RHBDD3: variants seen among roughly 807,000 people sequenced by gnomAD.
RHBDD3 encodes the protein rhomboid domain containing 3.
Under a neutral mutation model 32.3 loss-of-function variants are expected in RHBDD3, and 34 were observed. That is an observed-to-expected ratio of 1.05 (90% CI 0.80 to 1.40). RHBDD3 has a LOEUF of 1.40. RHBDD3 is among the 40% of genes most tolerant of loss of function. The probability of loss-of-function intolerance (pLI) is 0.00; values close to 1 mark genes in which losing one functional copy is unlikely to be tolerated. For synonymous variants in RHBDD3, 249 were observed against 239.1 expected (o/e 1.04, Z -0.38); for missense variants, 482 against 492.6 (o/e 0.98, Z 0.20).
Position 29,264,021 on chromosome 22 carries a change from C to A in RHBDD3, c.346G>T (p.Ala116Ser). The change falls in exon 4 of 7, where the codon GCC becomes TCC. Residue 116 changes from alanine (A) to serine (S), a missense_variant. Transcript: ENST00000216085. ...LLAGLGLSSA[A>S]GSCGYMPVHL... ...ACAGGCATGTATCCACAGCTGCCGGCTGCACTGGACAGCCCAAGGCCTGCC... is the reference window on the plus strand; with the variant it reads ...ACAGGCATGTATCCACAGCTGCCGGATGCACTGGACAGCCCAAGGCCTGCC... 4.5e-6 allele frequency: 7 copies of A among 1,556,848 alleles called. No homozygotes were observed. The highest frequency in any genetic ancestry group is 6.1e-6 in the Non-Finnish European group (7 of 1,150,578).
At position 29,265,522 on chromosome 22, in the gene RHBDD3, G is replaced by A. The variant is rs563039366; in HGVS notation, c.105C>T (p.Pro35=). 13 of 1,573,772 alleles carry A rather than the reference G, an allele frequency of 8.3e-6. No homozygotes were observed. The highest frequency in any genetic ancestry group is 2.4e-5 in the East Asian group (1 of 41,296). ...MSTLWLVGAG[P]GLVLAPELLL... ...ACAGCTCCGGGGCCAGGACCAGGCC[G>A]GGGCCGGCCCCCACCAGCCACAGGG... Residue 35 remains proline, a synonymous_variant, in exon 3 of 7, where the codon CCC becomes CCT. Coordinates refer to ENST00000216085, the MANE Select transcript of RHBDD3 (RefSeq NM_012265.3).
At chr22:29,265,811 G>A in intron 2 of RHBDD3, 143 bp from the exon 3 acceptor site, 1 of 760,580 alleles carries the variant, frequency 1.3e-6, no homozygotes, top group Non-Finnish European at 1.9e-6. Flanking sequence ...CCTTAGTGGA[G>A]CTCAGACCCT....
At chr22:29,261,388 G>A (rs1371540106) in intron 4 of RHBDD3, 2 of 460,032 alleles carry the variant, frequency 4.3e-6, no homozygotes, top group Non-Finnish European at 8.8e-6. Context: ...CTTGAGGCCA[G>A]GAGTTCAAGA....
At position 29,260,220 on chromosome 22, in the gene RHBDD3, C is replaced by G; in HGVS notation, c.1001G>C (p.Arg334Pro). The G allele has an allele frequency of 1.9e-6, 3 of 1,599,384 alleles. No individual in the cohort carries two copies. The highest frequency in any genetic ancestry group is 2.6e-6 in the Non-Finnish European group (3 of 1,173,628). ...CGCCTGCTCCGTAGGGAAGCCCATG[C>G]GCTCCAGCTGCTGCAGCCTGTTGGG... ...VSSLRLQQLE[R>P]MGFPTEQAVV... The change falls in exon 7 of 7, where the codon CGC becomes CCC. Residue 334 changes from arginine to proline, a missense_variant. Transcript: ENST00000216085.
Position 29,260,153 on chromosome 22 carries a change from C to CA in RHBDD3, c.1067dup (p.Ser357ValfsTer11). 2 of 1,589,394 alleles carry CA rather than the reference C, an allele frequency of 1.3e-6. No homozygotes were observed. Among genetic ancestry groups the CA allele is most frequent in the Non-Finnish European group, 1.7e-6 (2 of 1,167,958 alleles). ...CCACTTGTCCTCCAACCAACAGTGA[C>CA]ACGGCACCCTCCACACGGCCTGTGG... On this transcript the variant is annotated frameshift_variant, in exon 7 of 7. Transcript: ENST00000216085. LOFTEE classifies it high-confidence loss of function.
chr22:29,265,674 G>T lies in RHBDD3; in HGVS notation c.-42-6C>A. On this transcript the variant is annotated splice_polypyrimidine_tract_variant and splice_region_variant and intron_variant, in intron 2 of 6. Coordinates refer to ENST00000216085, the MANE Select transcript of RHBDD3 (RefSeq NM_012265.3). ...GGTGGTCCTGGGGCTGTGTGCTGGG[G>T]ATAAAAGAAAACAATAACAAGTTAT... 2 of 1,532,950 alleles carry T rather than the reference G, an allele frequency of 1.3e-6. No individual in the cohort carries two copies. Among genetic ancestry groups the T allele is most frequent in the Non-Finnish European group, 1.7e-6 (2 of 1,151,304 alleles). 95.0% of individuals were successfully genotyped at this position (1,532,950 alleles called of 1,614,324 possible).
chr22:29,264,643 T>A, intron 3 of RHBDD3: 1 of 401,468 alleles, frequency 2.5e-6, no homozygotes, highest in Non-Finnish European at 3.4e-6. Flanking sequence ...CTGAGCATCA[T>A]TGGGGGTCCT....
chr22:29,265,073 C>T (rs1271671999), intron 3 of RHBDD3: 10 of 154,598 alleles, frequency 6.5e-5, no homozygotes, highest in South Asian at 2.0e-4. Flanking sequence ...CCACTGCGCC[C>T]GGCCAATTTT....
intron 2 of RHBDD3, among the ~76,000 whole-genome samples, chr22:29,266,866 C>G (rs2058205138): frequency 6.6e-6 from 1 of 152,328 alleles, no homozygotes; most frequent in Admixed American, 6.5e-5. Context: ...CTGCATTGTC[C>G]TTCCCTCCAT....
At chr22:29,261,264 T>C (rs1007588339) in intron 4 of RHBDD3, 6 of 488,574 alleles carry the variant, frequency 1.2e-5, no homozygotes, top group African/African-American at 1.2e-4. Flanking sequence ...GAGGCCAGCC[T>C]GTTCTCTCCA....
In RHBDD3 at chr22:29,260,866, T is replaced by C. The variant is rs2058108183; in HGVS notation, c.533-2A>G. On this transcript the variant is annotated splice_acceptor_variant, in intron 4 of 6. Transcript: ENST00000216085. LOFTEE classifies it high-confidence loss of function. ...GCCACCGGAAGGCCCCAGCTGCATC[T>C]GTCTGCCCGGGGCAGGGCGGCCGGT... 6.3e-7 allele frequency: 1 copy of C among 1,577,246 alleles called. No homozygotes were observed. The highest frequency in any genetic ancestry group is 8.6e-7 in the Non-Finnish European group (1 of 1,165,232).
At chr22:29,265,779 A>T (rs2058169824) in intron 2 of RHBDD3, 111 bp from the exon 3 acceptor site, 1 of 1,117,726 alleles carries the variant, frequency 8.9e-7, no homozygotes, top group Non-Finnish European at 1.2e-6. Flanking sequence ...AACAGGCTGG[A>T]GACGCAGGCC....
chr22:29,265,372 C>T, intron 3 of RHBDD3, 107 bp downstream of exon 3: 4 of 884,296 alleles, frequency 4.5e-6, no homozygotes, highest in Non-Finnish European at 6.5e-6. Context: ...GACACTGGGC[C>T]CCATCCCTGT....
At chr22:29,267,169 G>C (rs1361878626) in intron 2 of RHBDD3, among the ~76,000 whole-genome samples, 1 of 152,244 alleles carries the variant, frequency 6.6e-6, no homozygotes, top group African/African-American at 2.4e-5. Context: ...GCGGACCCGG[G>C]CATCCACCTA....
At chr22:29,262,576 C>T (rs1188744857) in intron 4 of RHBDD3, among the ~76,000 whole-genome samples, 1 of 152,170 alleles carries the variant, frequency 6.6e-6, no homozygotes, top group Non-Finnish European at 1.5e-5. Flanking sequence ...ATTTCTGCAA[C>T]AACAACAAAG....
chr22:29,259,908 T>C lies in RHBDD3; in HGVS notation c.*152A>G. The C allele has an allele frequency of 1.4e-6, 1 of 714,268 alleles. No homozygotes were observed. The highest frequency in any genetic ancestry group is 1.9e-5 in the South Asian group (1 of 52,346). 44.2% of individuals were successfully genotyped at this position (714,268 alleles called of 1,614,324 possible). A position where few individuals can be genotyped will look rare whatever the true frequency, so the allele number is the denominator to read the frequency against. ...ACTGGTTTTTATTCTAAACACGTAC[T>C]AGGGCAGCATGCTGGGGGGCCTCTC... is the stretch of plus-strand genomic sequence containing the variant. On this transcript the variant is annotated 3_prime_UTR_variant, in exon 7 of 7. Coordinates refer to ENST00000216085, the MANE Select transcript of RHBDD3 (RefSeq NM_012265.3).
Position 29,260,247 on chromosome 22 carries a change from G to A in RHBDD3, c.984-10C>T. On this transcript the variant is annotated splice_polypyrimidine_tract_variant and intron_variant, in intron 6 of 6. Coordinates refer to ENST00000216085, the MANE Select transcript of RHBDD3 (RefSeq NM_012265.3). ...CTCCAGCTGCTGCAGCCTGTTGGGGGTGGGGGGAGAAGTGGGGAGTGTCAG... is the reference window on the plus strand; with the variant it reads ...CTCCAGCTGCTGCAGCCTGTTGGGGATGGGGGGAGAAGTGGGGAGTGTCAG... 4 of 1,602,192 alleles carry A rather than the reference G, an allele frequency of 2.5e-6. No individual in the cohort carries two copies. The highest frequency in any genetic ancestry group is 3.4e-6 in the Non-Finnish European group (4 of 1,175,168).
chr22:29,262,574 A>G (rs1385466495), intron 4 of RHBDD3, among the ~76,000 whole-genome samples: 1 of 152,230 alleles, frequency 6.6e-6, no homozygotes, highest in Non-Finnish European at 1.5e-5. Flanking sequence ...TAATTTCTGC[A>G]ACAACAACAA....
In RHBDD3 at chr22:29,266,872, T is replaced by C. The variant is rs77078685; in HGVS notation, c.-43+554A>G. On this transcript the variant is annotated intron_variant, in intron 2 of 6. Transcript: ENST00000216085. ...CTCCTCTGCCTGCATTGTCCTTCCCTCCATTTTGCCAGCAGGCAAACTCCT... is the reference window on the plus strand; with the variant it reads ...CTCCTCTGCCTGCATTGTCCTTCCCCCCATTTTGCCAGCAGGCAAACTCCT... 5.6e-4 allele frequency among the ~76,000 whole-genome samples: 85 copies of C among 152,310 alleles called. 1 individual carries two copies. The highest frequency in any genetic ancestry group is 1.0e-3 in the South Asian group (5 of 4,824).
Sources: allele counts gnomAD v4.1 joint callset (sites outside exome capture counted in the v4.1 genomes callset), GRCh38; gene constraint gnomAD v4.1.1; transcripts MANE v1.5; gene names NCBI Gene and HGNC (gene_info 2026-07-23, HGNC 2026-07-21).